MACROD2: variants seen among roughly 807,000 people sequenced by gnomAD.
MACROD2 encodes the protein mono-ADP ribosylhydrolase 2.
Under a neutral mutation model 70.4 loss-of-function variants are expected in MACROD2, and 36 were observed. That is an observed-to-expected ratio of 0.51 (90% CI 0.39 to 0.68). The LOEUF is 0.68. MACROD2 is among the 30% of genes least tolerant of loss of function. MACROD2 has a pLI of 0.00. For synonymous variants in MACROD2, 172 were observed against 178.8 expected, an observed-to-expected ratio of 0.96 and a Z score of 0.30; for missense variants, 496 against 538.4, an observed-to-expected ratio of 0.92 and a Z score of 0.78.
At chr20:15,164,166 T>G (rs963368343) in intron 5 of MACROD2, among the ~76,000 whole-genome samples, 5 of 152,084 alleles carry the variant, frequency 3.3e-5, no homozygotes, top group East Asian at 1.9e-4. Flanking sequence ...CAACTGTGGA[T>G]AGAAAATATT....
chr20:14,086,039 G>A (rs1021916584), intron 3 of MACROD2, among the ~76,000 whole-genome samples: 5 of 152,200 alleles, frequency 3.3e-5, no homozygotes, highest in Middle Eastern at 3.4e-3. Flanking sequence ...TGTTACTTTC[G>A]TAGCTTGAAT....
At chr20:15,495,168 G>A (rs1027653480) in intron 7 of MACROD2, among the ~76,000 whole-genome samples, 2 of 152,192 alleles carry the variant, frequency 1.3e-5, no homozygotes, top group African/African-American at 4.8e-5. Context: ...AATATGTTGT[G>A]ATGTTCTGAG....
intron 8 of MACROD2, among the ~76,000 whole-genome samples, chr20:15,584,819 C>G (rs1215644071): frequency 6.6e-6 from 1 of 152,208 alleles, no homozygotes; most frequent in Non-Finnish European, 1.5e-5. Context: ...TCTGTGTCTA[C>G]TTCCACTTTC....
chr20:14,784,387 C>G (rs1043584372), intron 5 of MACROD2, among the ~76,000 whole-genome samples: 2 of 152,110 alleles, frequency 1.3e-5, no homozygotes, highest in African/African-American at 4.8e-5. Context: ...TCTCCAAGCT[C>G]ACTTTCTCTA....
At chr20:15,178,176 C>T (rs2076475629) in intron 5 of MACROD2, among the ~76,000 whole-genome samples, 1 of 152,150 alleles carries the variant, frequency 6.6e-6, no homozygotes, top group Admixed American at 6.6e-5. Flanking sequence ...AAGGCTTCAT[C>T]CAGGCATAAA....
chr20:14,150,004 T>G (rs570743761), intron 3 of MACROD2, among the ~76,000 whole-genome samples: 1 of 152,328 alleles, frequency 6.6e-6, no homozygotes, highest in Admixed American at 6.5e-5. Flanking sequence ...TAAACTGATT[T>G]ATTTCTCTCA....
intron 3 of MACROD2, among the ~76,000 whole-genome samples, chr20:14,265,904 G>A (rs2082140904): frequency 6.6e-6 from 1 of 151,502 alleles, no homozygotes; most frequent in Admixed American, 6.6e-5. Flanking sequence ...AGCCTCCCAA[G>A]TAGCTGGGAC....
intron 11 of MACROD2, among the ~76,000 whole-genome samples, chr20:15,936,130 A>T (rs892231445): frequency 6.6e-6 from 1 of 151,836 alleles, no homozygotes; most frequent in East Asian, 1.9e-4. Context: ...CTGCTACTAC[A>T]TAAAAAACTA....
At chr20:15,384,222 GA>G (rs1409644144) in intron 6 of MACROD2, among the ~76,000 whole-genome samples, 1 of 151,926 alleles carries the variant, frequency 6.6e-6, no homozygotes, top group Non-Finnish European at 1.5e-5. Context: ...TTTTTTTCTG[GA>G]AAGGTCCAAG....
At chr20:14,052,134 G>A (rs954987127) in intron 2 of MACROD2, 3 of 336,816 alleles carry the variant, frequency 8.9e-6, no homozygotes, top group Non-Finnish European at 1.8e-5. Context: ...GTGTGTTGGG[G>A]TAGAGCAGTG....
In MACROD2 at chr20:16,053,117, A is replaced by G. The variant is rs2067479240; in HGVS notation, c.*3241A>G. 6.6e-6 allele frequency: 1 copy of G among 152,586 alleles called. No homozygotes were observed. The highest frequency in any genetic ancestry group is 1.9e-4 in the East Asian group (1 of 5,172). 9.5% of individuals were successfully genotyped at this position (152,586 alleles called of 1,614,324 possible). A position where few individuals can be genotyped will look rare whatever the true frequency, so the allele number is the denominator to read the frequency against. Reference sequence around the variant, plus strand: ...TTGTTTCTTTTCATCTGTGCCATACACTAAAAAACAACTGTTGCCTTCATA... The same window carrying G: ...TTGTTTCTTTTCATCTGTGCCATACGCTAAAAAACAACTGTTGCCTTCATA... On this transcript the variant is annotated 3_prime_UTR_variant, in exon 18 of 18. Transcript: ENST00000684519.
At chr20:15,200,983 C>T (rs1236050908) in intron 5 of MACROD2, among the ~76,000 whole-genome samples, 4 of 152,180 alleles carry the variant, frequency 2.6e-5, no homozygotes, top group African/African-American at 9.7e-5. Context: ...ATTTCCAATG[C>T]TACTCCCAGA....
intron 8 of MACROD2, among the ~76,000 whole-genome samples, chr20:15,585,992 G>A (rs1336243499): frequency 6.6e-6 from 1 of 152,076 alleles, no homozygotes; most frequent in Non-Finnish European, 1.5e-5. Flanking sequence ...CTTTCTGATT[G>A]GGGAAGGACA....
intron 8 of MACROD2, among the ~76,000 whole-genome samples, chr20:15,816,571 A>G (rs1008767651): frequency 2.6e-5 from 4 of 152,222 alleles, no homozygotes; most frequent in African/African-American, 9.6e-5. Flanking sequence ...TTAATCATTC[A>G]TAGACCTTAT....
chr20:14,579,804 C>T (rs147229683), intron 4 of MACROD2, among the ~76,000 whole-genome samples: 2 of 152,274 alleles, frequency 1.3e-5, no homozygotes, highest in African/African-American at 2.4e-5. Flanking sequence ...TTAATACACT[C>T]AACCTGTGAG....
chr20:15,997,616 A>G (rs1317313511), intron 15 of MACROD2, among the ~76,000 whole-genome samples: 5 of 152,172 alleles, frequency 3.3e-5, no homozygotes, highest in Non-Finnish European at 7.4e-5. Context: ...GGTTTTTAAT[A>G]AGACTATGTC....
Position 14,789,460 on chromosome 20 carries a change from ATTTTTTT to A in MACROD2, c.418+104527_418+104533del, listed in dbSNP as rs3045609. On this transcript the variant is annotated intron_variant, in intron 5 of 17. Coordinates refer to ENST00000684519, the MANE Select transcript of MACROD2 (RefSeq NM_001351661.2). ...CTTGTGGATTAATCAGGTAGTGCAA[ATTTTTTT>A]TTTTTTTTTTTTTTTTTTTTTTTTT... Among the ~76,000 whole-genome samples, 394 of 48,306 alleles carry A rather than the reference ATTTTTTT, an allele frequency of 8.2e-3. 3 individuals are homozygous for A. Among genetic ancestry groups the A allele is most frequent in the African/African-American group, 0.031 (359 of 11,622 alleles). 31.7% of individuals were successfully genotyped at this position (48,306 alleles called of 152,430 possible).
At chr20:15,233,967 TTTTATATATATTTATTTATATATATATA>T (rs1424092697) in intron 6 of MACROD2, among the ~76,000 whole-genome samples, 3 of 48,590 alleles carry the variant, frequency 6.2e-5, no homozygotes, top group African/African-American at 1.7e-4. Flanking sequence ...AAAAATTTAT[TTTTATATATATTTATTTATATATATATA>T]TATATATATA....
At chr20:14,479,184 G>C (rs574564713) in intron 3 of MACROD2, among the ~76,000 whole-genome samples, 1 of 152,054 alleles carries the variant, frequency 6.6e-6, no homozygotes, top group African/African-American at 2.4e-5. Context: ...CCCTTCCTGG[G>C]CTGGGTGCTT....
Sources: allele counts gnomAD v4.1 joint callset (sites outside exome capture counted in the v4.1 genomes callset), GRCh38; gene constraint gnomAD v4.1.1; transcripts MANE v1.5; gene names NCBI Gene and HGNC (gene_info 2026-07-23, HGNC 2026-07-21).